The following PTCHD1 variants were observed in gnomAD, a reference collection of about 807,000 sequenced individuals.
PTCHD1 encodes patched domain-containing protein 1.
A neutral mutation model predicts 34.6 loss-of-function variants in PTCHD1; 3 were observed. That is an observed-to-expected ratio of 0.09 (90% confidence interval 0.04 to 0.22). The LOEUF (loss-of-function observed/expected upper bound fraction) is 0.22, where lower values mean the gene tolerates loss of function less well. Ranked by LOEUF, PTCHD1 falls within the 10% of genes least tolerant of loss-of-function variation. The pLI, the probability that PTCHD1 is intolerant of heterozygous loss-of-function variation, is 1.00. For synonymous variants in PTCHD1, 305 were observed against 283.1 expected, an observed-to-expected ratio of 1.08 and a Z score of -0.77; for missense variants, 504 against 685.5, an observed-to-expected ratio of 0.74 and a Z score of 2.96.
chrX:23,369,970 G>T (rs1316927060), intron 1 of PTCHD1, among the ~76,000 whole-genome samples: 1 of 112,291 alleles, frequency 8.9e-6, no homozygotes, highest in Non-Finnish European at 1.9e-5. Flanking sequence ...AAGAAAAATG[G>T]AGGAAGTTTC....
chrX:23,355,167 G>T (rs1463952622), intron 1 of PTCHD1, among the ~76,000 whole-genome samples: 1 of 110,718 alleles, frequency 9.0e-6, no homozygotes, highest in African/African-American at 3.3e-5. Context: ...AATAGACCCC[G>T]AGATTCCACG....
chrX:23,339,938 G>T (rs1452626472), intron 1 of PTCHD1, among the ~76,000 whole-genome samples: 1 of 112,156 alleles, frequency 8.9e-6, no homozygotes, highest in African/African-American at 3.2e-5. Context: ...CTGTGAATCT[G>T]TAAGGCAGTA....
chrX:23,358,492 T>A (rs1484908481), intron 1 of PTCHD1, among the ~76,000 whole-genome samples: 1 of 110,855 alleles, frequency 9.0e-6, no homozygotes, highest in Admixed American at 9.5e-5. Flanking sequence ...TTTGATGGGG[T>A]TGTTTGTTTT....
At chrX:23,371,369 A>G (rs1435575241) in intron 1 of PTCHD1, among the ~76,000 whole-genome samples, 1 of 111,685 alleles carries the variant, frequency 9.0e-6, no homozygotes, top group South Asian at 3.8e-4. Context: ...GCCGTCGGCT[A>G]TGGAGGCATT....
chrX:23,346,116 T>G (rs1209261600), intron 1 of PTCHD1, among the ~76,000 whole-genome samples: 2 of 112,384 alleles, frequency 1.8e-5, no homozygotes, highest in African/African-American at 6.5e-5. Flanking sequence ...CAGGGTCATC[T>G]GCCATTTGCC....
chrX:23,398,833 G>A lies in PTCHD1; in HGVS notation c.*4648G>A. On this transcript the variant is annotated 3_prime_UTR_variant, in exon 3 of 3. Coordinates refer to ENST00000379361, the MANE Select transcript of PTCHD1 (RefSeq NM_173495.3). ...AGTGCCAGGATGTCCCCCCCAGCTTGCCTCTCACCCGCCCCGCTGCTGCCC... is the reference window on the plus strand; with the variant it reads ...AGTGCCAGGATGTCCCCCCCAGCTTACCTCTCACCCGCCCCGCTGCTGCCC... The A allele has an allele frequency of 8.8e-6, 1 of 113,045 alleles. No individual in the cohort carries two copies. The allele number at this position is 113,045 out of a possible 1,213,427, so 9.3% of individuals were successfully genotyped here.
chrX:23,384,936 G>T (rs141451303), intron 2 of PTCHD1, among the ~76,000 whole-genome samples: 37 of 111,871 alleles, frequency 3.3e-4, no homozygotes, highest in African/African-American at 1.2e-3. Flanking sequence ...GCAACAATAT[G>T]ACAATTTTGC....
intron 1 of PTCHD1, 133 bp from the exon 2 acceptor site, chrX:23,379,458 A>G: frequency 1.5e-6 from 1 of 647,696 alleles, no homozygotes; most frequent in Non-Finnish European, 2.3e-6. Context: ...TCACATTCCT[A>G]CTACCTATTT....
intron 1 of PTCHD1, among the ~76,000 whole-genome samples, chrX:23,366,052 C>T (rs1188290686): frequency 8.9e-6 from 1 of 112,370 alleles, no homozygotes; most frequent in Non-Finnish European, 1.9e-5. Context: ...TACCATGGAG[C>T]TGAAAGTTGT....
chrX:23,339,911 C>G (rs1385934842), intron 1 of PTCHD1, among the ~76,000 whole-genome samples: 1 of 112,451 alleles, frequency 8.9e-6, no homozygotes, highest in Admixed American at 9.4e-5. Context: ...TACTAGAGCA[C>G]TTTCAAGAAG....
At chrX:23,354,762 G>T (rs1324232376) in intron 1 of PTCHD1, among the ~76,000 whole-genome samples, 1 of 108,280 alleles carries the variant, frequency 9.2e-6, no homozygotes, top group Non-Finnish European at 1.9e-5. Context: ...TAGTAGAGAT[G>T]GGGTTTCACC....
Position 23,398,939 on chromosome X carries a change from G to A in PTCHD1, c.*4754G>A, listed in dbSNP as rs773429638. The A allele has an allele frequency of 1.8e-5, 2 of 111,478 alleles. No homozygotes were observed. Among genetic ancestry groups the A allele is most frequent in the African/African-American group, 6.5e-5 (2 of 30,661 alleles). The allele number at this position is 111,478 out of a possible 1,213,427, so 9.2% of individuals were successfully genotyped here. A position where few individuals can be genotyped will look rare whatever the true frequency, so the allele number is the denominator to read the frequency against. On this transcript the variant is annotated 3_prime_UTR_variant, in exon 3 of 3. Coordinates refer to ENST00000379361, the MANE Select transcript of PTCHD1 (RefSeq NM_173495.3). ...AGAAGGGAGGCGACCGGAGAGCTAT[G>A]GCCTCTGTGCAGATTTTTGAGTTAG...
intron 2 of PTCHD1, among the ~76,000 whole-genome samples, chrX:23,386,919 G>A (rs1023583378): frequency 8.9e-6 from 1 of 112,262 alleles, no homozygotes; most frequent in South Asian, 3.7e-4. Flanking sequence ...TTACTTTGAG[G>A]AACTCAGGAT....
chrX:23,379,545 AT>A (rs1922500339), intron 1 of PTCHD1, 45 bp from the exon 2 acceptor site: 1 of 1,179,221 alleles, frequency 8.5e-7, no homozygotes, highest in Non-Finnish European at 1.2e-6. Context: ...AAAAATAAAA[AT>A]AGAAATATTT....
intron 2 of PTCHD1, among the ~76,000 whole-genome samples, chrX:23,389,673 G>A (rs750233967): frequency 1.6e-4 from 18 of 111,514 alleles, no homozygotes; most frequent in Non-Finnish European, 2.6e-4. Context: ...CTTTCTCAGG[G>A]CCTCTTCTGA....
At chrX:23,357,487 T>A (rs776242168) in intron 1 of PTCHD1, among the ~76,000 whole-genome samples, 3 of 110,948 alleles carry the variant, frequency 2.7e-5, no homozygotes, top group Admixed American at 9.6e-5. Context: ...AATATATGCC[T>A]ACTCTGTGAT....
At chrX:23,350,827 G>A (rs1266943358) in intron 1 of PTCHD1, among the ~76,000 whole-genome samples, 2 of 110,194 alleles carry the variant, frequency 1.8e-5, no homozygotes, top group Admixed American at 1.9e-4. Context: ...AGAGGAAAGA[G>A]TTGAGTCATG....
intron 1 of PTCHD1, among the ~76,000 whole-genome samples, chrX:23,355,973 T>C (rs1449781697): frequency 1.8e-5 from 2 of 112,549 alleles, no homozygotes; most frequent in Non-Finnish European, 3.7e-5. Context: ...AAAGTATATA[T>C]ACTTATTTTA....
chrX:23,346,584 A>G (rs781015687), intron 1 of PTCHD1, among the ~76,000 whole-genome samples: 1 of 111,696 alleles, frequency 9.0e-6, no homozygotes, highest in African/African-American at 3.3e-5. Flanking sequence ...AGGGTGGGGG[A>G]TTATGGTTAA....
Sources: allele counts gnomAD v4.1 joint callset (sites outside exome capture counted in the v4.1 genomes callset), GRCh38; gene constraint gnomAD v4.1.1; transcripts MANE v1.5; gene names NCBI Gene and HGNC (gene_info 2026-07-23, HGNC 2026-07-21).